Variants in GAA observed in about 807,000 individuals in gnomAD.
The protein encoded by GAA is lysosomal alpha-glucosidase.
GAA carries 88 observed loss-of-function variants against 103.9 expected under a neutral mutation model. The observed-to-expected ratio is 0.85, with a 90% CI of 0.71 to 1.01. The LOEUF (loss-of-function observed/expected upper bound fraction) is 1.01, where lower values mean the gene tolerates loss of function less well. GAA is among the 50% of genes least tolerant of loss of function. GAA has a pLI of 0.00. For missense variants in GAA, 1,350 were observed against 1,305.3 expected, an observed-to-expected ratio of 1.03 and a Z score of -0.53; for synonymous variants, 572 against 563.1, an observed-to-expected ratio of 1.02 and a Z score of -0.22.
At chr17:80,110,368 C>T (rs532521901) in intron 9 of GAA, among the ~76,000 whole-genome samples, 1 of 152,316 alleles carries the variant, frequency 6.6e-6, no homozygotes, top group South Asian at 2.1e-4. Context: ...GCAGGGCCCC[C>T]GCTGAGGGAG....
intron 19 of GAA, 46 bp downstream of exon 19, chr17:80,118,851 G>A (rs1341270596): frequency 1.2e-6 from 2 of 1,606,960 alleles, no homozygotes; most frequent in Non-Finnish European, 8.5e-7. Context: ...CCCAGCCGTG[G>A]TGCAGGGGGC....
In GAA at chr17:80,116,985, G is replaced by A. The variant is rs553430197; in HGVS notation, c.2207G>A (p.Ser736Asn). Residue 736 changes from serine to asparagine, a missense_variant, in exon 16 of 20, where the codon AGC (serine) becomes AAC (asparagine). Transcript: ENST00000302262. ...PLFLEFPKDSSTWTVDHQLLW... is the reference protein window; with the variant it reads ...PLFLEFPKDSNTWTVDHQLLW... ...CCTTGCAGGTTCCCCAAGGACTCTA[G>A]CACCTGGACTGTGGACCACCAGCTC... 180 of 1,613,754 alleles carry A rather than the reference G, an allele frequency of 1.1e-4. 2 individuals are homozygous for A. The South Asian group carries it at 1.9e-3, about 17-fold the overall frequency.
chr17:80,118,414 G>A (rs2039408510), intron 18 of GAA, 57 bp downstream of exon 18: 1 of 1,558,292 alleles, frequency 6.4e-7, no homozygotes, highest in Non-Finnish European at 8.7e-7. Context: ...GTTGAGAAGG[G>A]GTGAGGGGAC....
intron 15 of GAA, 70 bp downstream of exon 15, chr17:80,113,436 C>G: frequency 7.2e-7 from 1 of 1,394,206 alleles, no homozygotes. Flanking sequence ...CCCAGGCAGC[C>G]CTGTCCTGCT....
Position 80,112,578 on chromosome 17 carries a change from G to C in GAA, c.1755G>C (p.Arg585Ser). 1 of 1,613,006 alleles carries C rather than the reference G, an allele frequency of 6.2e-7. No individual in the cohort carries two copies. Among genetic ancestry groups the C allele is most frequent in the Non-Finnish European group, 8.5e-7 (1 of 1,179,962 alleles). The change falls in exon 13 of 20, where the codon AGG becomes AGC. Residue 585 changes from arginine to serine, a missense_variant and splice_region_variant. By Grantham distance (110) the Arg-to-Ser change is moderately radical. Transcript: ENST00000302262. ...CTCACGGTGTCCCCCACCACCCCAG[G>C]GCGCTGGTGAAGGCTCGGGGGACAC... ...YGLTEAIASH[R>S]ALVKARGTRP...
rs539031621 is a variant in GAA at position 80,117,657 on chromosome 17, G to A, written c.2389G>A (p.Ala797Thr). 2.2e-5 allele frequency: 35 copies of A among 1,612,836 alleles called. No individual in the cohort carries two copies. In the South Asian group the frequency reaches 3.6e-4, roughly 17 times the overall value. Residue 797 changes from alanine (A) to threonine (T), a missense_variant, in exon 17 of 20, where the codon GCC becomes ACC. Coordinates refer to ENST00000302262, the MANE Select transcript of GAA (RefSeq NM_000152.5). ...CCCACCTGCAGCTCCCCGTGAGCCA[G>A]CCATCCACAGCGAGGGGCAGTGGGT... Reference protein sequence around the residue: ...PPPPAAPREPAIHSEGQWVTL... With the variant: ...PPPPAAPREPTIHSEGQWVTL...
intron 16 of GAA, 121 bp from the exon 17 acceptor site, chr17:80,117,479 C>T (rs1167982196): frequency 7.6e-6 from 9 of 1,180,466 alleles, no homozygotes; most frequent in Middle Eastern, 2.2e-4. Context: ...CAGTTCAGCC[C>T]GTCTGTGCCA....
chr17:80,104,187 C>G lies in GAA; in HGVS notation c.-32-368C>G, dbSNP rs552074011. 6.6e-6 allele frequency among the ~76,000 whole-genome samples: 1 copy of G among 152,150 alleles called. No individual in the cohort carries two copies. ...GCTGAAGTGGGAGGATTGCTTGAGT[C>G]TGGGAGGTGGAGGTTGCAGTGAGCC... On this transcript the variant is annotated intron_variant, in intron 1 of 19. Transcript: ENST00000302262. The surrounding 1 kb of genome is among the most constrained non-coding windows in gnomAD (Gnocchi z 4.0).
Position 80,104,540 on chromosome 17 carries a change from TTTC to T in GAA, c.-32-10_-32-8del. The T allele has an allele frequency of 6.4e-7, 1 of 1,564,446 alleles. No individual in the cohort carries two copies. The highest frequency in any genetic ancestry group is 8.7e-7 in the Non-Finnish European group (1 of 1,152,514). ...CCTCCCGCCTCCCTGCTGAGCCCGC[TTTC>T]TTCTCCCGCAGGCCTGTAGGAGCTG... On this transcript the variant is annotated splice_polypyrimidine_tract_variant and intron_variant, in intron 1 of 19. Coordinates refer to ENST00000302262, the MANE Select transcript of GAA (RefSeq NM_000152.5). The surrounding 1 kb of genome is among the most constrained non-coding windows in gnomAD (Gnocchi z 4.0).
At chr17:80,113,406 T>C in intron 15 of GAA, 40 bp downstream of exon 15, 1 of 1,496,224 alleles carries the variant, frequency 6.7e-7, no homozygotes, top group Non-Finnish European at 9.0e-7. Context: ...ATGTGTGCCC[T>C]GGGGGAGGGG....
intron 16 of GAA, 24 bp downstream of exon 16, chr17:80,117,133 TG>T: frequency 6.2e-7 from 1 of 1,609,570 alleles, no homozygotes. Context: ...CCCTAAGCCC[TG>T]GGGAGACGGG....
chr17:80,108,883 G>C (rs1213167701), intron 8 of GAA, 55 bp downstream of exon 8: 7 of 1,540,344 alleles, frequency 4.5e-6, no homozygotes, highest in Admixed American at 3.9e-5. Flanking sequence ...GTGCCCAGTG[G>C]CTCCTTCTCT....
chr17:80,109,048 GGTTCTGTCAGAT>G (rs2039168125), intron 8 of GAA, among the ~76,000 whole-genome samples: 1 of 152,194 alleles, frequency 6.6e-6, no homozygotes, highest in African/African-American at 2.4e-5. Flanking sequence ...TGCTACTCAG[GGTTCTGTCAGAT>G]GTAGGTTACT....
rs147569830 is a variant in GAA at position 80,107,715 on chromosome 17, C to G, written c.851C>G (p.Ala284Gly). Residue 284 changes from alanine to glycine, a missense_variant, in exon 4 of 20, where the codon GCG becomes GGG. By Grantham distance (60) the Ala-to-Gly change is moderately conservative. Transcript: ENST00000302262. The part of the protein sequence containing the change: ...TRITLWNRDL[A>G]PTPGANLYGS... ...ATCACCCTGTGGAACCGGGACCTTG[C>G]GCCCACGGTACAGCGGCGGGCGGCG... is the stretch of plus-strand genomic sequence containing the variant. The G allele has an allele frequency of 2.1e-5, 33 of 1,599,384 alleles. No individual in the cohort carries two copies. In the African/African-American group the frequency reaches 4.6e-4, roughly 22 times the overall value.
At chr17:80,109,241 G>A (rs975522569) in intron 8 of GAA, among the ~76,000 whole-genome samples, 5 of 152,152 alleles carry the variant, frequency 3.3e-5, no homozygotes, top group East Asian at 1.9e-4. Flanking sequence ...TGGAAAGGAC[G>A]GCGTGAGTGA....
At chr17:80,110,366 C>A (rs2039203054) in intron 9 of GAA, among the ~76,000 whole-genome samples, 1 of 152,200 alleles carries the variant, frequency 6.6e-6, no homozygotes, top group Non-Finnish European at 1.5e-5. Context: ...AGGCAGGGCC[C>A]CCGCTGAGGG....
At chr17:80,111,359 C>G (rs1030376802) in intron 11 of GAA, among the ~76,000 whole-genome samples, 8 of 152,176 alleles carry the variant, frequency 5.3e-5, no homozygotes, top group African/African-American at 1.9e-4. Flanking sequence ...AGGCCCAACT[C>G]GAATGCAGCA....
At chr17:80,103,935 C>T (rs760426080) in intron 1 of GAA, among the ~76,000 whole-genome samples, 2 of 152,190 alleles carry the variant, frequency 1.3e-5, no homozygotes, top group African/African-American at 2.4e-5. Flanking sequence ...GAATCACTTC[C>T]GCTGACACCC....
chr17:80,104,979 C>G lies in GAA; in HGVS notation c.393C>G (p.Pro131=), dbSNP rs769276948. The part of the protein sequence containing the change: ...QMGQPWCFFP[P]SYPSYKLENL... ...GGCAGCCCTGGTGCTTCTTCCCACC[C>G]AGCTACCCCAGCTACAAGCTGGAGA... The change falls in exon 2 of 20, where the codon CCC becomes CCG. Residue 131 remains proline, a synonymous_variant. Coordinates refer to ENST00000302262, the MANE Select transcript of GAA (RefSeq NM_000152.5). This position sits in a 1 kb window ranked among gnomAD's most constrained non-coding sequence, Gnocchi z 4.0. 3.7e-6 allele frequency: 6 copies of G among 1,612,600 alleles called. No homozygotes were observed. In the South Asian group the frequency reaches 5.5e-5, roughly 15 times the overall value.
Sources: gnomAD v4.1 joint callset for allele counts (sites outside exome capture counted in the v4.1 genomes callset) on GRCh38, gnomAD v4.1.1 for gene constraint, Gnocchi (gnomAD v3.1) non-coding constraint, MANE v1.5 for transcripts, NCBI Gene and HGNC (gene_info 2026-07-23, HGNC 2026-07-21) for gene names.